Variants in SRSF1 observed in about 807,000 individuals in gnomAD.
SRSF1 encodes serine and arginine rich splicing factor 1.
In SRSF1, 1 loss-of-function variant was observed where a neutral mutation model predicts 25.9. The ratio of observed to expected loss-of-function variants is 0.04; its 90% CI spans 0.01 to 0.18. SRSF1 has a LOEUF of 0.18. SRSF1 is among the 10% of genes least tolerant of loss of function. The pLI, the probability that SRSF1 is intolerant of heterozygous loss-of-function variation, is 1.00. For synonymous variants in SRSF1, 132 were observed against 126.2 expected, an observed-to-expected ratio of 1.05 and a Z score of -0.31; for missense variants, 65 against 350.5, an observed-to-expected ratio of 0.19 and a Z score of 6.50.
Position 58,007,239 on chromosome 17 carries a change from A to C in SRSF1, c.-102T>G. ...GCACCACGTCTCCCGCGGCCCCTCCAAAATGGCGCCTTTATCAGCTCGGCG... is the reference window on the plus strand; with the variant it reads ...GCACCACGTCTCCCGCGGCCCCTCCCAAATGGCGCCTTTATCAGCTCGGCG... On this transcript the variant is annotated 5_prime_UTR_variant, in exon 1 of 4. Coordinates refer to ENST00000258962, the MANE Select transcript of SRSF1 (RefSeq NM_006924.5). The C allele has an allele frequency of 7.3e-7, 1 of 1,364,416 alleles. No individual in the cohort carries two copies. The highest frequency in any genetic ancestry group is 1.0e-6 in the Non-Finnish European group (1 of 988,986). The allele number at this position is 1,364,416 out of a possible 1,614,324, so 84.5% of individuals were successfully genotyped here. A position where few individuals can be genotyped will look rare whatever the true frequency, so the allele number is the denominator to read the frequency against.
the SRSF1 span, chr17:57,993,648 C>T: frequency 2.6e-5 from 4 of 152,208 alleles, no homozygotes; most frequent in African/African-American, 9.7e-5. Flanking sequence ...GACCAGAATT[C>T]CTAGAGGACA....
rs1456989830 is a variant in SRSF1 at position 58,003,195 on chromosome 17, T to C, written c.*2211A>G. On this transcript the variant is annotated 3_prime_UTR_variant, in exon 4 of 4. Transcript: ENST00000258962. The stretch of plus-strand genomic sequence containing the variant: ...ACCAGAAAATAAGCAGCATCTATAG[T>C]TTTTTAACCACTTTATAACAAAGTA... 6.6e-6 allele frequency among the ~76,000 whole-genome samples: 1 copy of C among 152,144 alleles called. No homozygotes were observed. Among genetic ancestry groups the C allele is most frequent in the Non-Finnish European group, 1.5e-5 (1 of 68,024 alleles).
the SRSF1 span, chr17:57,989,704 T>C: frequency 1.3e-5 from 5 of 398,496 alleles, no homozygotes; most frequent in Non-Finnish European, 1.8e-5. Context: ...TGATTCCCCA[T>C]TGGATACTGC....
rs200684332 is a variant in SRSF1, at chr17:58,006,339, T to C, written c.379+4A>G. On this transcript the variant is annotated splice_donor_region_variant and intron_variant, in intron 2 of 3. Coordinates refer to ENST00000258962, the MANE Select transcript of SRSF1 (RefSeq NM_006924.5). ...ACATCAATCCACACAACCAGTACAC[T>C]CACCAGAGACAACCACTCTGTTTTC... is the stretch of plus-strand genomic sequence containing the variant. 25 of 1,609,064 alleles carry C rather than the reference T, an allele frequency of 1.6e-5. No individual in the cohort carries two copies. The Admixed American group carries it at 3.2e-4, about 21-fold the overall frequency.
chr17:57,996,167 G>A (rs995463060), downstream of SRSF1, among the ~76,000 whole-genome samples: 3 of 152,096 alleles, frequency 2.0e-5, no homozygotes, highest in Admixed American at 6.6e-5. Flanking sequence ...CATCTTAGAA[G>A]AAATGTCAAA....
chr17:57,989,958 C>A, the SRSF1 span: 3 of 385,640 alleles, frequency 7.8e-6, no homozygotes, highest in Admixed American at 4.5e-5. Flanking sequence ...CAATGGAATT[C>A]TTCTTATTTT....
chr17:57,998,356 T>G (rs2075372816), downstream of SRSF1, among the ~76,000 whole-genome samples: 1 of 152,180 alleles, frequency 6.6e-6, no homozygotes, highest in South Asian at 2.1e-4. Flanking sequence ...TGACTGATCC[T>G]ATAATCTTAT....
downstream of SRSF1, among the ~76,000 whole-genome samples, chr17:57,997,577 C>T (rs975702884): frequency 6.6e-6 from 1 of 152,110 alleles, no homozygotes; most frequent in African/African-American, 2.4e-5. Context: ...GAATATAACC[C>T]ATTGTTAACT....
chr17:57,989,937 C>T, the SRSF1 span: 13 of 394,072 alleles, frequency 3.3e-5, no homozygotes, highest in African/African-American at 2.5e-4. Context: ...TGTTCTTGCT[C>T]TGACCTTGGA....
At chr17:57,989,256 A>C in the SRSF1 span, 315 of 398,614 alleles carry the variant, frequency 7.9e-4, 1 homozygote, top group Non-Finnish European at 1.1e-3. Flanking sequence ...CTTTCCTCAC[A>C]CAGAGGGAAG....
chr17:57,991,905 G>C, the SRSF1 span: 1 of 152,228 alleles, frequency 6.6e-6, no homozygotes, highest in African/African-American at 2.4e-5. Context: ...CTGGAACAAA[G>C]TCATAGAGAG....
chr17:57,991,567 CAGAA>C, the SRSF1 span: 1 of 151,954 alleles, frequency 6.6e-6, no homozygotes, highest in Non-Finnish European at 1.5e-5. Flanking sequence ...AAGTATTGGC[CAGAA>C]AGAAATAACC....
the SRSF1 span, chr17:57,992,488 T>A: frequency 2.0e-5 from 3 of 151,690 alleles, no homozygotes; most frequent in African/African-American, 4.8e-5. Context: ...AATAAAAAAT[T>A]AAAAAAAATA....
chr17:57,992,878 G>A, the SRSF1 span: 1 of 152,312 alleles, frequency 6.6e-6, no homozygotes, highest in East Asian at 1.9e-4. Flanking sequence ...CAGGTGTTCA[G>A]AAACCTATGC....
chr17:57,997,491 T>TA (rs929567016), downstream of SRSF1, among the ~76,000 whole-genome samples: 9 of 152,162 alleles, frequency 5.9e-5, no homozygotes, highest in African/African-American at 1.9e-4. Flanking sequence ...TCTGTAGAGT[T>TA]AAAAAATACA....
At chr17:57,999,357 T>C (rs1441236180), downstream of SRSF1, among the ~76,000 whole-genome samples, 1 of 152,198 alleles carries the variant, frequency 6.6e-6, no homozygotes, top group African/African-American at 2.4e-5. Flanking sequence ...ATTCATGGCC[T>C]TATTATTCCA....
At position 58,003,402 on chromosome 17, in the gene SRSF1, G is replaced by C. The variant is rs1228375255; in HGVS notation, c.*2004C>G. On this transcript the variant is annotated 3_prime_UTR_variant, in exon 4 of 4. Transcript: ENST00000258962. ...TTAATTTGCTAACACATTAACACAA[G>C]AGTCAAAATCTTATCTTACTTAACA... is the stretch of plus-strand genomic sequence containing the variant. The C allele has an allele frequency of 6.6e-6, 1 of 152,102 alleles. No individual in the cohort carries two copies. Among genetic ancestry groups the C allele is most frequent in the Non-Finnish European group, 1.5e-5 (1 of 68,038 alleles). 9.4% of individuals were successfully genotyped at this position (152,102 alleles called of 1,614,324 possible). A position where few individuals can be genotyped will look rare whatever the true frequency, so the allele number is the denominator to read the frequency against.
downstream of SRSF1, among the ~76,000 whole-genome samples, chr17:57,999,139 G>C (rs1431214444): frequency 6.6e-6 from 1 of 152,280 alleles, no homozygotes; most frequent in African/African-American, 2.4e-5. Context: ...CTAGAAAATA[G>C]AAAACAGCTA....
At position 58,007,081 on chromosome 17, in the gene SRSF1, G is replaced by A. The variant is rs201701461; in HGVS notation, c.57C>T (p.Tyr19=). Residue 19 remains tyrosine, a synonymous_variant, in exon 1 of 4, where the codon TAC becomes TAT. Coordinates refer to ENST00000258962, the MANE Select transcript of SRSF1 (RefSeq NM_006924.5). The part of the protein sequence containing the change: ...GPAGNNDCRI[Y]VGNLPPDIRT... ...GGATGTCTGGAGGTAAGTTACCCAC[G>A]TAGATGCGGCAATCGTTGTTCCCTG... is the stretch of plus-strand genomic sequence containing the variant. The A allele has an allele frequency of 1.2e-6, 2 of 1,614,218 alleles. No individual in the cohort carries two copies. Among genetic ancestry groups the A allele is most frequent in the Middle Eastern group, 1.6e-4 (1 of 6,062 alleles).
Sources: gnomAD v4.1 joint callset for allele counts (sites outside exome capture counted in the v4.1 genomes callset) on GRCh38, gnomAD v4.1.1 for gene constraint, MANE v1.5 for transcripts, NCBI Gene and HGNC (gene_info 2026-07-23, HGNC 2026-07-21) for gene names.